HOXC6: variants seen among roughly 807,000 people sequenced by gnomAD.
HOXC6 encodes homeobox protein Hox-C6.
HOXC6 carries 10 observed loss-of-function variants against 24.0 expected under a neutral mutation model. The observed-to-expected ratio is 0.42, with a 90% CI of 0.26 to 0.71. The LOEUF is 0.71. Among genes scored for constraint, HOXC6 ranks in the 30% least tolerant of loss-of-function variants. The pLI, the probability that HOXC6 is intolerant of heterozygous loss-of-function variation, is 0.28. For synonymous variants in HOXC6, 123 were observed against 128.1 expected (o/e 0.96, Z 0.27); for missense variants, 258 against 303.4 (o/e 0.85, Z 1.11).
chr12:54,018,095 C>A (rs1033993357), intron 1 of HOXC6, among the ~76,000 whole-genome samples: 2 of 152,014 alleles, frequency 1.3e-5, no homozygotes, highest in African/African-American at 4.8e-5. Context: ...CCCCTGCTCC[C>A]GCCCCCACTC....
chr12:54,027,525 G>A (rs1940773309), upstream of HOXC6, among the ~76,000 whole-genome samples: 1 of 152,236 alleles, frequency 6.6e-6, no homozygotes, highest in African/African-American at 2.4e-5. Context: ...AGGAGTTGAT[G>A]TCTCTAGAAA....
chr12:54,028,749 C>G lies in HOXC6; in HGVS notation c.228C>G (p.Ser76=). 1 of 1,614,116 alleles carries G rather than the reference C, an allele frequency of 6.2e-7. No individual in the cohort carries two copies. The highest frequency in any genetic ancestry group is 1.7e-5 in the Admixed American group (1 of 60,006). The change falls in exon 1 of 2, where the codon TCC becomes TCG. Residue 76 remains serine (S), a synonymous_variant. Transcript: ENST00000243108. Reference sequence around the variant, plus strand: ...GGCCGTATGACTATGGATCTAATTCCTTTTACCAGGAGAAAGACATGCTCT... The same window carrying G: ...GGCCGTATGACTATGGATCTAATTCGTTTTACCAGGAGAAAGACATGCTCT... ...SRGPYDYGSN[S]FYQEKDMLSN...
intron 1 of HOXC6, 112 bp downstream of exon 1, chr12:54,029,033 C>A: frequency 2.9e-6 from 3 of 1,029,290 alleles, no homozygotes; most frequent in Non-Finnish European, 4.2e-6. Flanking sequence ...AAAACAATCA[C>A]GCTCGTCTCC....
chr12:54,029,397 T>C (rs1940882429), intron 1 of HOXC6, among the ~76,000 whole-genome samples: 1 of 102,648 alleles, frequency 9.7e-6, no homozygotes, highest in Admixed American at 9.5e-5. Flanking sequence ...GTTTGCCTTT[T>C]GCCCCGCCCC....
chr12:54,030,153 C>T lies in HOXC6; in HGVS notation c.*191C>T. On this transcript the variant is annotated 3_prime_UTR_variant, in exon 2 of 2. Coordinates refer to ENST00000243108, the MANE Select transcript of HOXC6 (RefSeq NM_004503.4). ...TCCCTCACCGCACAACTCTCTTTCA[C>T]CACGCGCCTCCTCCTCCTCGCTCCC... 1 of 555,684 alleles carries T rather than the reference C, an allele frequency of 1.8e-6. No individual in the cohort carries two copies. Among genetic ancestry groups the T allele is most frequent in the African/African-American group, 1.9e-5 (1 of 53,448 alleles). 34.4% of individuals were successfully genotyped at this position (555,684 alleles called of 1,614,324 possible).
At chr12:54,028,970 T>C in intron 1 of HOXC6, 49 bp downstream of exon 1, 1 of 1,525,800 alleles carries the variant, frequency 6.6e-7, no homozygotes, top group Non-Finnish European at 8.8e-7. Flanking sequence ...GAACTGGCTT[T>C]ATGACCGGCT....
chr12:54,022,220 T>A (rs1940481231), intron 1 of HOXC6: 1 of 151,832 alleles, frequency 6.6e-6, no homozygotes, highest in Non-Finnish European at 1.5e-5. Context: ...GAGACACAGG[T>A]TGTTGGGTTT....
chr12:54,029,410 C>G (rs1565741985), intron 1 of HOXC6, among the ~76,000 whole-genome samples: 6 of 87,918 alleles, frequency 6.8e-5, no homozygotes, highest in South Asian at 4.7e-4. Context: ...CCCGCCCCCC[C>G]GCCCCCCCCC....
intron 1 of HOXC6, chr12:54,021,293 G>A (rs1169804550): frequency 6.6e-6 from 1 of 152,220 alleles, no homozygotes; most frequent in East Asian, 1.9e-4. Context: ...TCTGGTTACT[G>A]GATGAACTGC....
chr12:54,017,126 C>T (rs1049192369), exon 1 of HOXC6: 1 of 152,168 alleles, frequency 6.6e-6, no homozygotes, highest in African/African-American at 2.4e-5. Context: ...CTCTGGCCCC[C>T]AAGGGGCAGG....
intron 1 of HOXC6, chr12:54,020,783 T>C (rs1940399169): frequency 6.6e-6 from 1 of 152,162 alleles, no homozygotes. Context: ...AATCGGAGTA[T>C]GCGGGTTCCA....
At chr12:54,019,159 T>C (rs1040718326) in intron 1 of HOXC6, among the ~76,000 whole-genome samples, 2 of 146,136 alleles carry the variant, frequency 1.4e-5, no homozygotes, top group Non-Finnish European at 1.5e-5. Flanking sequence ...GAAATGGCAT[T>C]TTCTCTCCCC....
intron 1 of HOXC6, chr12:54,022,441 C>T (rs1165638979): frequency 2.6e-5 from 4 of 152,070 alleles, no homozygotes; most frequent in Admixed American, 6.6e-5. Context: ...TTGCTGCTAG[C>T]TATTAAATTT....
Position 54,029,804 on chromosome 12 carries a change from C to T in HOXC6, c.550C>T (p.Gln184Ter). 6.2e-7 allele frequency: 1 copy of T among 1,613,976 alleles called. No homozygotes were observed. The highest frequency in any genetic ancestry group is 8.5e-7 in the Non-Finnish European group (1 of 1,180,010). Residue 184 changes from glutamine to a stop codon, truncating the protein, a stop_gained, in exon 2 of 2, where the codon CAG becomes TAG. Coordinates refer to ENST00000243108, the MANE Select transcript of HOXC6 (RefSeq NM_004503.4). LOFTEE classifies it high-confidence loss of function. Reference sequence around the variant, plus strand: ...CAACGCGCTTTGCCTGACCGAGCGACAGATCAAAATCTGGTTCCAGAACCG... The same window carrying T: ...CAACGCGCTTTGCCTGACCGAGCGATAGATCAAAATCTGGTTCCAGAACCG... ...IANALCLTER[Q>*]IKIWFQNRRM...
Position 54,028,880 on chromosome 12 carries a change from T to C in HOXC6, c.359T>C (p.Ile120Thr), listed in dbSNP as rs1940854477. 3 of 1,613,400 alleles carry C rather than the reference T, an allele frequency of 1.9e-6. No homozygotes were observed. In the Admixed American group the frequency reaches 5.0e-5, roughly 27 times the overall value. ...RTAPQDQKAS[I>T]QIYPWMQRMN... Reference sequence around the variant, plus strand: ...GCGCCCCAGGACCAGAAAGCCAGTATCCAGATTTACCCCTGGATGCAGCGA... The same window carrying C: ...GCGCCCCAGGACCAGAAAGCCAGTACCCAGATTTACCCCTGGATGCAGCGA... The change falls in exon 1 of 2, where the codon ATC (isoleucine) becomes ACC (threonine). Residue 120 changes from isoleucine (I) to threonine (T), a missense_variant. Transcript: ENST00000243108.
At chr12:54,025,010 A>G (rs1005838645), upstream of HOXC6, among the ~76,000 whole-genome samples, 4 of 152,198 alleles carry the variant, frequency 2.6e-5, no homozygotes, top group Admixed American at 2.0e-4. Context: ...GAAAGTGAAA[A>G]TCTGCTCTTG....
chr12:54,028,471 A>G lies in HOXC6; in HGVS notation c.-51A>G. The G allele has an allele frequency of 6.4e-7, 1 of 1,564,940 alleles. No individual in the cohort carries two copies. Among genetic ancestry groups the G allele is most frequent in the East Asian group, 2.2e-5 (1 of 44,476 alleles). On this transcript the variant is annotated 5_prime_UTR_variant, in exon 1 of 2. Coordinates refer to ENST00000243108, the MANE Select transcript of HOXC6 (RefSeq NM_004503.4). ...ATCTAGTTCCGAGTACAAACTGGAG[A>G]CAGAAATAAATATTAAAGAAATCAT...
chr12:54,026,073 G>C (rs962868773), upstream of HOXC6, among the ~76,000 whole-genome samples: 6 of 152,104 alleles, frequency 3.9e-5, no homozygotes, highest in African/African-American at 1.2e-4. Flanking sequence ...TATCTTGAAG[G>C]AAATATCACT....
intron 1 of HOXC6, chr12:54,022,729 C>T (rs1310823554): frequency 1.3e-5 from 2 of 152,310 alleles, no homozygotes; most frequent in Middle Eastern, 3.4e-3. Flanking sequence ...GGAACCCACA[C>T]ACAAAACTCC....
Sources: allele counts gnomAD v4.1 joint callset (sites outside exome capture counted in the v4.1 genomes callset), GRCh38; gene constraint gnomAD v4.1.1; transcripts MANE v1.5; gene names NCBI Gene and HGNC (gene_info 2026-07-23, HGNC 2026-07-21).